The following FMNL2 variants were observed in gnomAD, a reference collection of about 807,000 sequenced individuals.
The protein encoded by FMNL2 is formin-like protein 2.
Under a neutral mutation model 130.2 loss-of-function variants are expected in FMNL2, and 51 were observed. The ratio of observed to expected loss-of-function variants is 0.39; its 90% CI spans 0.31 to 0.49. The LOEUF (loss-of-function observed/expected upper bound fraction) is 0.49, where lower values mean the gene tolerates loss of function less well. Among genes scored for constraint, FMNL2 ranks in the 20% least tolerant of loss-of-function variants. The pLI, the probability that FMNL2 is intolerant of heterozygous loss-of-function variation, is 0.85. For synonymous variants in FMNL2, 465 were observed against 467.1 expected (o/e 1.00, Z 0.06); for missense variants, 977 against 1,316.2 (o/e 0.74, Z 3.99).
chr2:152,378,144 AT>A (rs1684274262), intron 1 of FMNL2, among the ~76,000 whole-genome samples: 1 of 151,890 alleles, frequency 6.6e-6, no homozygotes, highest in Non-Finnish European at 1.5e-5. Context: ...TAAAATATAA[AT>A]TCAGCCTGTG....
chr2:152,558,131 T>C (rs1695326928), intron 4 of FMNL2, among the ~76,000 whole-genome samples: 1 of 152,244 alleles, frequency 6.6e-6, no homozygotes, highest in African/African-American at 2.4e-5. Context: ...CTGATATTTG[T>C]CATGTGCCGG....
At chr2:152,565,878 C>T (rs1453529395) in intron 6 of FMNL2, among the ~76,000 whole-genome samples, 2 of 152,086 alleles carry the variant, frequency 1.3e-5, no homozygotes, top group Non-Finnish European at 2.9e-5. Context: ...CTCCTGGGCT[C>T]AAGAAATCGT....
intron 9 of FMNL2, among the ~76,000 whole-genome samples, chr2:152,591,024 T>TTTTTG (rs1558989613): frequency 1.6e-4 from 15 of 94,958 alleles, no homozygotes; most frequent in Non-Finnish European, 2.0e-4. Context: ...TTTTTTTTTT[T>TTTTTG]GAGACAGCAT....
chr2:152,384,585 C>G lies in FMNL2; in HGVS notation c.117+48865C>G, dbSNP rs551731695. 4.2e-4 allele frequency among the ~76,000 whole-genome samples: 64 copies of G among 152,288 alleles called. 1 individual carries two copies. In the South Asian group the frequency reaches 0.013, roughly 32 times the overall value. On this transcript the variant is annotated intron_variant, in intron 1 of 25. Transcript: ENST00000288670. ...AGAAGCAAAGCCTTCCCTCAGGCTT[C>G]CTGAGTGAAAGAGCATCCTTCAAAC...
chr2:152,483,882 A>G (rs899131241), intron 1 of FMNL2, among the ~76,000 whole-genome samples: 1 of 152,256 alleles, frequency 6.6e-6, no homozygotes, highest in Non-Finnish European at 1.5e-5. Context: ...GGAGAGGGGG[A>G]AAAAAACCCA....
At chr2:152,342,138 G>T (rs936967947) in intron 1 of FMNL2, among the ~76,000 whole-genome samples, 1 of 152,246 alleles carries the variant, frequency 6.6e-6, no homozygotes, top group Non-Finnish European at 1.5e-5. Context: ...TATAAGAACT[G>T]TTGCTTAAAG....
intron 1 of FMNL2, among the ~76,000 whole-genome samples, chr2:152,508,345 A>G (rs1485101088): frequency 6.6e-6 from 1 of 152,186 alleles, no homozygotes; most frequent in Non-Finnish European, 1.5e-5. Flanking sequence ...CTTCTCTATA[A>G]AACCTAATAA....
At chr2:152,338,698 C>T (rs1681615486) in intron 1 of FMNL2, among the ~76,000 whole-genome samples, 1 of 152,104 alleles carries the variant, frequency 6.6e-6, no homozygotes, top group South Asian at 2.1e-4. Context: ...TAGGTATCTT[C>T]AGTATCATTA....
chr2:152,589,261 A>G (rs1020901834), intron 9 of FMNL2, among the ~76,000 whole-genome samples: 15 of 152,136 alleles, frequency 9.9e-5, no homozygotes, highest in African/African-American at 3.4e-4. Context: ...GTACAATTTT[A>G]TGCAATAGGG....
chr2:152,431,325 A>G (rs534442343), intron 1 of FMNL2, among the ~76,000 whole-genome samples: 1 of 152,338 alleles, frequency 6.6e-6, no homozygotes, highest in South Asian at 2.1e-4. Flanking sequence ...CTTCAGAGAA[A>G]TTGAGTTAAT....
chr2:152,629,848 C>T lies in FMNL2; in HGVS notation c.2493C>T (p.Tyr831=). Residue 831 remains tyrosine (Y), a synonymous_variant, in exon 20 of 26, where the codon TAC becomes TAT. Coordinates refer to ENST00000288670, the MANE Select transcript of FMNL2 (RefSeq NM_052905.4). Reference sequence around the variant, plus strand: ...AGATCATCTTAGCCCTTGGAAACTACATGAATAGCAGTAAAAGAGGAGCAG... The same window carrying T: ...AGATCATCTTAGCCCTTGGAAACTATATGAATAGCAGTAAAAGAGGAGCAG... The part of the protein sequence containing the change: ...ILEIILALGN[Y]MNSSKRGAVY... 2 of 1,612,982 alleles carry T rather than the reference C, an allele frequency of 1.2e-6. No homozygotes were observed. The highest frequency in any genetic ancestry group is 1.7e-6 in the Non-Finnish European group (2 of 1,179,456).
At chr2:152,439,989 G>A (rs999767700) in intron 1 of FMNL2, among the ~76,000 whole-genome samples, 1 of 151,802 alleles carries the variant, frequency 6.6e-6, no homozygotes, top group African/African-American at 2.4e-5. Context: ...ATGAACTTGT[G>A]TGTACTGCCA....
chr2:152,375,278 C>T (rs972618594), intron 1 of FMNL2, among the ~76,000 whole-genome samples: 2 of 152,168 alleles, frequency 1.3e-5, no homozygotes, highest in African/African-American at 4.8e-5. Flanking sequence ...AAGCCCTGTC[C>T]ACCATTCCCT....
Position 152,626,514 on chromosome 2 carries a change from C to T in FMNL2, c.1963-11C>T, listed in dbSNP as rs1464703028. ...AATCCAATTTTCCATGGTCATTCCTCTCTATCTTAGGATTTAAATGTGGAT... is the reference window on the plus strand; with the variant it reads ...AATCCAATTTTCCATGGTCATTCCTTTCTATCTTAGGATTTAAATGTGGAT... On this transcript the variant is annotated splice_polypyrimidine_tract_variant and intron_variant, in intron 16 of 25. Coordinates refer to ENST00000288670, the MANE Select transcript of FMNL2 (RefSeq NM_052905.4). The T allele has an allele frequency of 3.1e-6, 5 of 1,587,672 alleles. No homozygotes were observed. The South Asian group carries it at 5.8e-5, about 18-fold the overall frequency.
chr2:152,348,166 C>G (rs1048334433), intron 1 of FMNL2, among the ~76,000 whole-genome samples: 3 of 152,160 alleles, frequency 2.0e-5, no homozygotes, highest in African/African-American at 7.2e-5. Context: ...TTACTTTGAT[C>G]GCTTTGTGGT....
intron 3 of FMNL2, among the ~76,000 whole-genome samples, chr2:152,545,344 T>G (rs1335793596): frequency 6.6e-6 from 1 of 152,336 alleles, no homozygotes. Flanking sequence ...CCTTTAACTG[T>G]GTCTGGAGTC....
At chr2:152,488,903 A>G (rs1248257971) in intron 1 of FMNL2, among the ~76,000 whole-genome samples, 2 of 152,004 alleles carry the variant, frequency 1.3e-5, no homozygotes, top group Admixed American at 1.3e-4. Flanking sequence ...CATAGACTCC[A>G]TCTACAAAAA....
intron 1 of FMNL2, among the ~76,000 whole-genome samples, chr2:152,494,978 C>T (rs1366366147): frequency 1.3e-5 from 2 of 152,210 alleles, no homozygotes; most frequent in African/African-American, 4.8e-5. Flanking sequence ...ACTTGCAACA[C>T]ACACAGTCAA....
At chr2:152,373,446 T>C (rs1683996926) in intron 1 of FMNL2, among the ~76,000 whole-genome samples, 1 of 152,196 alleles carries the variant, frequency 6.6e-6, no homozygotes, top group South Asian at 2.1e-4. Context: ...AGGAAATCCC[T>C]GGATAGAGAT....
Sources: allele counts gnomAD v4.1 joint callset (sites outside exome capture counted in the v4.1 genomes callset), GRCh38; gene constraint gnomAD v4.1.1; transcripts MANE v1.5; gene names NCBI Gene and HGNC (gene_info 2026-07-23, HGNC 2026-07-21).